Variants in ABTB3 observed in about 807,000 individuals in gnomAD.
ABTB3 encodes the protein ankyrin repeat and BTB domain containing 3, also known as ankyrin repeat- and BTB/POZ domain-containing protein 3.
the ABTB3 span, among the ~76,000 whole-genome samples, chr12:107,362,679 G>A: frequency 2.0e-5 from 3 of 152,174 alleles, no homozygotes; most frequent in Admixed American, 2.0e-4. Context: ...TGTAGTCACA[G>A]CTACTTGGGA....
the ABTB3 span, among the ~76,000 whole-genome samples, chr12:107,361,803 C>T: frequency 6.6e-5 from 10 of 152,110 alleles, no homozygotes; most frequent in African/African-American, 1.9e-4. Context: ...TGTCCCACCC[C>T]GCCACCTCAA....
the ABTB3 span, among the ~76,000 whole-genome samples, chr12:107,592,156 T>G: frequency 2.6e-5 from 4 of 152,216 alleles, no homozygotes; most frequent in Non-Finnish European, 4.4e-5. Context: ...CATTGAAATA[T>G]TCTATCAAAC....
At chr12:107,333,290 C>A in the ABTB3 span, among the ~76,000 whole-genome samples, 2 of 152,176 alleles carry the variant, frequency 1.3e-5, no homozygotes, top group Non-Finnish European at 2.9e-5. Flanking sequence ...AGAGTGAGTT[C>A]ATATGCTCCT....
the ABTB3 span, chr12:107,635,524 G>A: frequency 4.7e-6 from 3 of 639,536 alleles, no homozygotes; most frequent in East Asian, 3.0e-5. Flanking sequence ...TCAGGCCGGG[G>A]GAGATCAGAA....
the ABTB3 span, among the ~76,000 whole-genome samples, chr12:107,564,719 G>A: frequency 6.6e-6 from 1 of 152,226 alleles, no homozygotes; most frequent in Admixed American, 6.5e-5. Flanking sequence ...AACCAGTAAG[G>A]AGCAAGCATG....
At chr12:107,480,119 T>C in the ABTB3 span, among the ~76,000 whole-genome samples, 7 of 152,200 alleles carry the variant, frequency 4.6e-5, no homozygotes, top group South Asian at 1.5e-3. Flanking sequence ...GACAGTAGGA[T>C]AGGGAAAGGC....
the ABTB3 span, among the ~76,000 whole-genome samples, chr12:107,354,540 G>A: frequency 1.3e-5 from 2 of 152,116 alleles, no homozygotes; most frequent in Non-Finnish European, 2.9e-5. Flanking sequence ...TGATCATAAT[G>A]TTTTCAAGAT....
the ABTB3 span, among the ~76,000 whole-genome samples, chr12:107,546,424 C>A: frequency 6.6e-6 from 1 of 152,216 alleles, no homozygotes; most frequent in Non-Finnish European, 1.5e-5. Flanking sequence ...TGAGACTTGA[C>A]TAGCACTCCT....
At chr12:107,449,395 T>C in the ABTB3 span, among the ~76,000 whole-genome samples, 1 of 152,180 alleles carries the variant, frequency 6.6e-6, no homozygotes, top group Admixed American at 6.5e-5. Context: ...CCAATGGATG[T>C]CCCAAAATGT....
the ABTB3 span, among the ~76,000 whole-genome samples, chr12:107,400,958 G>C: frequency 6.6e-6 from 1 of 152,134 alleles, no homozygotes; most frequent in African/African-American, 2.4e-5. Flanking sequence ...GTCGAGGAGC[G>C]ATCAGCCATC....
chr12:107,346,092 C>T, the ABTB3 span, among the ~76,000 whole-genome samples: 1,153 of 152,268 alleles, frequency 7.6e-3, 7 homozygotes, highest in Non-Finnish European at 0.012. Flanking sequence ...TTGAGAGTGG[C>T]GTGGAGCGGA....
chr12:107,364,451 C>T, the ABTB3 span, among the ~76,000 whole-genome samples: 8 of 151,892 alleles, frequency 5.3e-5, no homozygotes, highest in South Asian at 2.1e-4. Flanking sequence ...CCACCACACC[C>T]GGCTGATTTT....
chr12:107,358,609 T>C, the ABTB3 span, among the ~76,000 whole-genome samples: 5 of 148,272 alleles, frequency 3.4e-5, no homozygotes, highest in South Asian at 2.2e-4. Flanking sequence ...GTTTTTTTTT[T>C]CCCAAGACAG....
chr12:107,497,852 C>T, the ABTB3 span, among the ~76,000 whole-genome samples: 1 of 152,210 alleles, frequency 6.6e-6, no homozygotes, highest in Non-Finnish European at 1.5e-5. Flanking sequence ...CCTCAACTCT[C>T]TGACCTCACT....
At chr12:107,473,819 T>C in the ABTB3 span, among the ~76,000 whole-genome samples, 1 of 151,684 alleles carries the variant, frequency 6.6e-6, no homozygotes, top group South Asian at 2.1e-4. Flanking sequence ...TTTTTTTTTT[T>C]GAGACGGAGT....
the ABTB3 span, among the ~76,000 whole-genome samples, chr12:107,532,544 T>C: frequency 6.6e-6 from 1 of 152,232 alleles, no homozygotes; most frequent in Non-Finnish European, 1.5e-5. Flanking sequence ...AAAAAGTCTT[T>C]CCTTGCAAAA....
the ABTB3 span, among the ~76,000 whole-genome samples, chr12:107,413,557 G>T: frequency 6.6e-6 from 1 of 152,160 alleles, no homozygotes; most frequent in Non-Finnish European, 1.5e-5. Context: ...TGAAAAAAGT[G>T]ATTAACATTG....
the ABTB3 span, among the ~76,000 whole-genome samples, chr12:107,637,777 G>A: frequency 7.0e-6 from 1 of 142,094 alleles, no homozygotes; most frequent in Non-Finnish European, 1.5e-5. Flanking sequence ...AAATCGGAGA[G>A]CACTGATTTT....
the ABTB3 span, among the ~76,000 whole-genome samples, chr12:107,423,344 C>T: frequency 3.3e-3 from 495 of 152,268 alleles, 25 homozygotes; most frequent in Admixed American, 0.027. Context: ...CAGAGTGCTT[C>T]GCCACACATT....
Sources: gnomAD v4.1 joint callset for allele counts (sites outside exome capture counted in the v4.1 genomes callset) on GRCh38, gnomAD v4.1.1 for gene constraint, MANE v1.5 for transcripts, NCBI Gene and HGNC (gene_info 2026-07-23, HGNC 2026-07-21) for gene names.